The following SLC14A2 variants were observed in gnomAD, a reference collection of about 807,000 sequenced individuals.
SLC14A2 encodes urea transporter 2.
In SLC14A2, 91 loss-of-function variants were observed where a neutral mutation model predicts 104.6. The ratio of observed to expected loss-of-function variants is 0.87; its 90% CI spans 0.73 to 1.04. The LOEUF (loss-of-function observed/expected upper bound fraction) is 1.04. SLC14A2 is among the 50% of genes least tolerant of loss of function. The pLI is 0.00. For missense variants in SLC14A2, 1,189 were observed against 1,156.0 expected, an observed-to-expected ratio of 1.03 and a Z score of -0.41; for synonymous variants, 476 against 466.4, an observed-to-expected ratio of 1.02 and a Z score of -0.27.
intron 1 of SLC14A2, among the ~76,000 whole-genome samples, chr18:45,255,070 C>T (rs898831591): frequency 3.3e-5 from 5 of 152,174 alleles, no homozygotes; most frequent in Non-Finnish European, 5.9e-5. Flanking sequence ...CTTGCCAATT[C>T]TCTCACCATA....
chr18:45,607,799 G>A (rs1167129061), intron 2 of SLC14A2, among the ~76,000 whole-genome samples: 1 of 152,190 alleles, frequency 6.6e-6, no homozygotes, highest in Non-Finnish European at 1.5e-5. Context: ...AGGCTTGACT[G>A]GGGCTGGAAG....
intron 10 of SLC14A2, among the ~76,000 whole-genome samples, chr18:45,653,672 C>G (rs146520175): frequency 1.3e-5 from 2 of 152,254 alleles, no homozygotes; most frequent in African/African-American, 4.8e-5. Context: ...TCGTCACACC[C>G]TTCTTGCTCT....
At chr18:45,570,405 C>G (rs889591583) in intron 2 of SLC14A2, among the ~76,000 whole-genome samples, 13 of 152,186 alleles carry the variant, frequency 8.5e-5, no homozygotes, top group Admixed American at 7.2e-4. Flanking sequence ...AAGCACCCTC[C>G]TCTAAGTTCA....
intron 1 of SLC14A2, among the ~76,000 whole-genome samples, chr18:45,471,730 CTTTT>C (rs925543829): frequency 2.6e-5 from 4 of 151,870 alleles, no homozygotes; most frequent in Admixed American, 6.6e-5. Context: ...GGTGATGACT[CTTTT>C]TTTCTCCTTT....
intron 1 of SLC14A2, among the ~76,000 whole-genome samples, chr18:45,404,741 G>A (rs2086134825): frequency 6.6e-6 from 1 of 152,164 alleles, no homozygotes; most frequent in Non-Finnish European, 1.5e-5. Flanking sequence ...GGTCACTGAT[G>A]AGCAGAGTGT....
At chr18:45,277,125 G>A (rs1481283209) in intron 1 of SLC14A2, among the ~76,000 whole-genome samples, 1 of 152,274 alleles carries the variant, frequency 6.6e-6, no homozygotes, top group South Asian at 2.1e-4. Flanking sequence ...TTGACACTTA[G>A]CACTTGAATT....
At chr18:45,652,224 T>G (rs2045752643) in intron 10 of SLC14A2, among the ~76,000 whole-genome samples, 2 of 152,256 alleles carry the variant, frequency 1.3e-5, no homozygotes, top group Admixed American at 1.3e-4. Context: ...ATCTGGTAAC[T>G]TTAAAGGCAT....
chr18:45,255,881 C>T (rs1331313204), intron 1 of SLC14A2, among the ~76,000 whole-genome samples: 2 of 152,190 alleles, frequency 1.3e-5, no homozygotes, highest in Non-Finnish European at 2.9e-5. Flanking sequence ...CGCCCTTTAC[C>T]TCTCAGAAAC....
chr18:45,408,450 A>G (rs1337872384), intron 1 of SLC14A2, among the ~76,000 whole-genome samples: 3 of 152,160 alleles, frequency 2.0e-5, no homozygotes, highest in Non-Finnish European at 4.4e-5. Flanking sequence ...GAACTGTAAC[A>G]CACCTTCCCT....
intron 2 of SLC14A2, among the ~76,000 whole-genome samples, chr18:45,525,660 T>C (rs1035952436): frequency 7.2e-5 from 11 of 152,220 alleles, no homozygotes; most frequent in South Asian, 2.1e-4. Context: ...GCATTCCAAT[T>C]AGCATTTGGT....
At chr18:45,650,769 T>A (rs946513960) in intron 10 of SLC14A2, among the ~76,000 whole-genome samples, 1 of 152,116 alleles carries the variant, frequency 6.6e-6, no homozygotes, top group African/African-American at 2.4e-5. Context: ...GACGGAGTTT[T>A]GTTCTTGTTG....
chr18:45,290,185 G>A (rs2084855599), intron 1 of SLC14A2, among the ~76,000 whole-genome samples: 1 of 152,070 alleles, frequency 6.6e-6, no homozygotes, highest in Admixed American at 6.5e-5. Flanking sequence ...CTGAGGTTTT[G>A]GGGTATGACT....
chr18:45,323,551 T>C (rs1028930905), intron 1 of SLC14A2, among the ~76,000 whole-genome samples: 7 of 152,252 alleles, frequency 4.6e-5, no homozygotes, highest in Non-Finnish European at 8.8e-5. Context: ...GCTTTCATTA[T>C]GGCTCTTTCA....
At chr18:45,260,766 C>A (rs991080607) in intron 1 of SLC14A2, among the ~76,000 whole-genome samples, 2 of 152,026 alleles carry the variant, frequency 1.3e-5, no homozygotes, top group Non-Finnish European at 2.9e-5. Context: ...AATGTACTGG[C>A]ATTTACTGGG....
intron 1 of SLC14A2, among the ~76,000 whole-genome samples, chr18:45,301,480 G>A (rs2084968338): frequency 1.3e-5 from 2 of 152,164 alleles, no homozygotes; most frequent in East Asian, 1.9e-4. Flanking sequence ...AACCATGTCA[G>A]GCCTGTGTCC....
intron 1 of SLC14A2, among the ~76,000 whole-genome samples, chr18:45,284,942 G>C (rs566228308): frequency 9.9e-5 from 15 of 152,226 alleles, no homozygotes; most frequent in African/African-American, 3.6e-4. Flanking sequence ...GTTCAGAAGA[G>C]AGGGAATAAA....
intron 1 of SLC14A2, among the ~76,000 whole-genome samples, chr18:45,241,173 G>A (rs913259134): frequency 1.3e-5 from 2 of 152,208 alleles, no homozygotes; most frequent in Non-Finnish European, 2.9e-5. Context: ...GCAGCCCTTG[G>A]GTGATGAGCT....
At chr18:45,630,720 C>A (rs2045330182) in intron 4 of SLC14A2, among the ~76,000 whole-genome samples, 1 of 152,114 alleles carries the variant, frequency 6.6e-6, no homozygotes, top group Non-Finnish European at 1.5e-5. Context: ...ATGATTTTCC[C>A]AAAACATGGA....
chr18:45,576,272 C>CTTTTTTTTTTT (rs776335445), intron 2 of SLC14A2, among the ~76,000 whole-genome samples: 1 of 90,682 alleles, frequency 1.1e-5, no homozygotes, highest in Non-Finnish European at 2.1e-5. Context: ...GGAGCAGGGG[C>CTTTTTTTTTTT]TTTTTTTTTT....
Sources: allele counts gnomAD v4.1 joint callset (sites outside exome capture counted in the v4.1 genomes callset), GRCh38; gene constraint gnomAD v4.1.1; transcripts MANE v1.5; gene names NCBI Gene and HGNC (gene_info 2026-07-23, HGNC 2026-07-21).